ZHX3: variants seen among roughly 807,000 people sequenced by gnomAD.
ZHX3 encodes the protein zinc fingers and homeoboxes protein 3.
A neutral mutation model predicts 64.5 loss-of-function variants in ZHX3; 20 were observed. The ratio of observed to expected loss-of-function variants is 0.31; its 90% CI spans 0.22 to 0.45. The LOEUF (loss-of-function observed/expected upper bound fraction) is 0.45. Ranked by LOEUF, ZHX3 falls within the 20% of genes least tolerant of loss-of-function variation. ZHX3 has a pLI of 1.00. For synonymous variants in ZHX3, 423 were observed against 461.6 expected, an observed-to-expected ratio of 0.92 and a Z score of 1.07; for missense variants, 1,041 against 1,195.8, an observed-to-expected ratio of 0.87 and a Z score of 1.91.
At chr20:41,261,732 T>C (rs1173728584) in intron 2 of ZHX3, among the ~76,000 whole-genome samples, 1 of 152,240 alleles carries the variant, frequency 6.6e-6, no homozygotes, top group Non-Finnish European at 1.5e-5. Flanking sequence ...TTTTAATTTC[T>C]GTACATGCTG....
At chr20:41,284,589 T>C (rs924740787) in intron 1 of ZHX3, among the ~76,000 whole-genome samples, 6 of 152,162 alleles carry the variant, frequency 3.9e-5, no homozygotes, top group Non-Finnish European at 7.3e-5. Context: ...TACAGTTACA[T>C]ATTTTCTCAA....
Position 41,192,842 on chromosome 20 carries a change from C to T in ZHX3, c.2861-7641G>A, listed in dbSNP as rs1415978697. The stretch of plus-strand genomic sequence containing the variant: ...AGTTCCATTGAACAATCTCCTGGCA[C>T]CTCCTATGTTAAGTTTCAGGGACTG... On this transcript the variant is annotated intron_variant, in intron 3 of 3. Coordinates refer to ENST00000683867, the MANE Select transcript of ZHX3 (RefSeq NM_001384317.1). Among the ~76,000 whole-genome samples the T allele has an allele frequency of 2.6e-5, 4 of 152,306 alleles. No homozygotes were observed. In the South Asian group the frequency reaches 6.2e-4, roughly 24 times the overall value.
chr20:41,208,992 G>A (rs925055685), intron 2 of ZHX3, among the ~76,000 whole-genome samples: 1 of 152,216 alleles, frequency 6.6e-6, no homozygotes, highest in Non-Finnish European at 1.5e-5. Context: ...CTTCAGCAAA[G>A]TCTCAGGATA....
At chr20:41,314,327 A>T (rs1351011393) in intron 1 of ZHX3, among the ~76,000 whole-genome samples, 5 of 152,246 alleles carry the variant, frequency 3.3e-5, no homozygotes, top group Admixed American at 2.0e-4. Context: ...TTAAAAAAAA[A>T]TTAAGTATAC....
chr20:41,222,242 G>T (rs982273094), intron 2 of ZHX3, among the ~76,000 whole-genome samples: 1 of 152,178 alleles, frequency 6.6e-6, no homozygotes, highest in Non-Finnish European at 1.5e-5. Context: ...TAAAGGAATG[G>T]ATAGGAGGAT....
At chr20:41,213,369 A>G (rs1383995491) in intron 2 of ZHX3, among the ~76,000 whole-genome samples, 1 of 152,216 alleles carries the variant, frequency 6.6e-6, no homozygotes, top group Non-Finnish European at 1.5e-5. Flanking sequence ...GTTCTATAGA[A>G]GAGGGTCAGC....
chr20:41,210,464 T>C (rs986357759), intron 2 of ZHX3, among the ~76,000 whole-genome samples: 28 of 152,292 alleles, frequency 1.8e-4, no homozygotes, highest in African/African-American at 6.7e-4. Context: ...CCATCAATGA[T>C]AGACTGGATT....
chr20:41,188,752 A>G (rs2036752251), intron 3 of ZHX3, among the ~76,000 whole-genome samples: 1 of 152,114 alleles, frequency 6.6e-6, no homozygotes, highest in African/African-American at 2.4e-5. Context: ...TATATTCTAG[A>G]TATTAGTCCT....
chr20:41,241,216 T>A lies in ZHX3; in HGVS notation c.-151+27774A>T, dbSNP rs545191354. On this transcript the variant is annotated intron_variant, in intron 2 of 3. Coordinates refer to ENST00000683867, the MANE Select transcript of ZHX3 (RefSeq NM_001384317.1). Reference sequence around the variant, plus strand: ...TGGATAAAGGTCATTTTAACTGGGGTGAGGTGATATGTCCTTGTAGTTTTG... The same window carrying A: ...TGGATAAAGGTCATTTTAACTGGGGAGAGGTGATATGTCCTTGTAGTTTTG... Among the ~76,000 whole-genome samples, 128 of 152,286 alleles carry A rather than the reference T, an allele frequency of 8.4e-4. 1 individual carries two copies. Among genetic ancestry groups the A allele is most frequent in the South Asian group, 1.9e-3 (9 of 4,820 alleles).
At chr20:41,251,882 T>C (rs2042010870) in intron 2 of ZHX3, among the ~76,000 whole-genome samples, 1 of 152,158 alleles carries the variant, frequency 6.6e-6, no homozygotes, top group Non-Finnish European at 1.5e-5. Context: ...GTAAGCAATT[T>C]CTAAATTAAT....
intron 2 of ZHX3, among the ~76,000 whole-genome samples, chr20:41,221,874 C>G (rs1006756495): frequency 2.6e-5 from 4 of 152,200 alleles, no homozygotes; most frequent in Non-Finnish European, 5.9e-5. Context: ...GCCAGCAGAG[C>G]TGGGCGGCGG....
chr20:41,196,435 TA>T (rs1430733135), intron 3 of ZHX3, among the ~76,000 whole-genome samples: 1 of 3,932 alleles, frequency 2.5e-4, no homozygotes, highest in Non-Finnish European at 4.9e-4. Context: ...TTTATATAAA[TA>T]TATATATTAT....
chr20:41,294,921 T>G lies in ZHX3; in HGVS notation c.-245+22588A>C, dbSNP rs1428318176. Among the ~76,000 whole-genome samples, 6 of 152,082 alleles carry G rather than the reference T, an allele frequency of 3.9e-5. No homozygotes were observed. In the East Asian group the frequency reaches 1.2e-3, roughly 29 times the overall value. On this transcript the variant is annotated intron_variant, in intron 1 of 3. Coordinates refer to ENST00000683867, the MANE Select transcript of ZHX3 (RefSeq NM_001384317.1). ...CATGTTGGCCAGACTGGTCTTGAAC[T>G]CCTGACCTCAAGTGATCCATGCGCC...
intron 1 of ZHX3, among the ~76,000 whole-genome samples, chr20:41,274,950 A>C (rs2043311175): frequency 6.6e-6 from 1 of 152,188 alleles, no homozygotes; most frequent in Non-Finnish European, 1.5e-5. Flanking sequence ...TGGGGTCAGA[A>C]GTTTGAGACC....
At chr20:41,196,435 T>C (rs57615589) in intron 3 of ZHX3, among the ~76,000 whole-genome samples, 3 of 3,934 alleles carry the variant, frequency 7.6e-4, no homozygotes, top group Non-Finnish European at 1.5e-3. Context: ...TTTATATAAA[T>C]ATATATATTA....
chr20:41,205,159 C>T (rs1250192319), intron 2 of ZHX3, 93 bp from the exon 3 acceptor site: 1 of 493,488 alleles, frequency 2.0e-6, no homozygotes, highest in African/African-American at 2.0e-5. Flanking sequence ...TTGCCTTCTA[C>T]CATCTAGGTC....
chr20:41,284,423 T>C (rs1453370420), intron 1 of ZHX3, among the ~76,000 whole-genome samples: 1 of 152,148 alleles, frequency 6.6e-6, no homozygotes, highest in Non-Finnish European at 1.5e-5. Flanking sequence ...AGGTTCAACA[T>C]GTCCCAAACC....
In ZHX3 at chr20:41,203,775, T is replaced by C; in HGVS notation, c.1142A>G (p.Gln381Arg). Residue 381 changes from glutamine (Q) to arginine (R), a missense_variant, in exon 3 of 4, where the codon CAG (glutamine) becomes CGG (arginine). Transcript: ENST00000683867. The surrounding 1 kb of genome is among the most constrained non-coding windows in gnomAD (Gnocchi z 7.1). ...CGTAATTGTGGGCTGAGGCACAGAC[T>C]GGATGACTGTATTGAACATCTTTTT... ...ARKKMFNTVI[Q>R]SVPQPTITVL... The C allele has an allele frequency of 1.2e-6, 2 of 1,614,252 alleles. No homozygotes were observed. The highest frequency in any genetic ancestry group is 1.7e-6 in the Non-Finnish European group (2 of 1,180,046).
intron 1 of ZHX3, among the ~76,000 whole-genome samples, chr20:41,279,221 A>G (rs1416997883): frequency 2.0e-5 from 3 of 152,182 alleles, no homozygotes; most frequent in African/African-American, 7.2e-5. Flanking sequence ...TGAGTATTGT[A>G]CAACTTTGCA....
Sources: allele counts gnomAD v4.1 joint callset (sites outside exome capture counted in the v4.1 genomes callset), GRCh38; gene constraint gnomAD v4.1.1; non-coding constraint Gnocchi (gnomAD v3.1); transcripts MANE v1.5; gene names NCBI Gene and HGNC (gene_info 2026-07-23, HGNC 2026-07-21).